Variants in GALNT18 observed in about 807,000 individuals in gnomAD.
GALNT18 encodes polypeptide N-acetylgalactosaminyltransferase 18.
Under a neutral mutation model 69.5 loss-of-function variants are expected in GALNT18, and 44 were observed. The observed-to-expected ratio is 0.63, with a 90% CI of 0.50 to 0.81. GALNT18 has a LOEUF of 0.81. Among genes scored for constraint, GALNT18 ranks in the 40% least tolerant of loss-of-function variants. The pLI is 0.00. For synonymous variants in GALNT18, 364 were observed against 318.2 expected, an observed-to-expected ratio of 1.14 and a Z score of -1.53; for missense variants, 715 against 810.0, an observed-to-expected ratio of 0.88 and a Z score of 1.42.
At chr11:11,334,357 A>G (rs1564898900) in intron 7 of GALNT18, among the ~76,000 whole-genome samples, 1 of 152,104 alleles carries the variant, frequency 6.6e-6, no homozygotes, top group African/African-American at 2.4e-5. Context: ...CCTGCCGAAC[A>G]TGGTGAAACC....
intron 3 of GALNT18, among the ~76,000 whole-genome samples, chr11:11,418,751 G>T (rs1436489988): frequency 6.6e-6 from 1 of 152,228 alleles, no homozygotes; most frequent in Non-Finnish European, 1.5e-5. Flanking sequence ...CTCTGTGAAT[G>T]TCTGTTGAAT....
chr11:11,307,824 G>A (rs2133024975), intron 9 of GALNT18, among the ~76,000 whole-genome samples: 1 of 152,292 alleles, frequency 6.6e-6, no homozygotes, highest in South Asian at 2.1e-4. Context: ...TGGCACAGTG[G>A]AAACTCCATA....
Position 11,586,736 on chromosome 11 carries a change from C to T in GALNT18, c.235+34623G>A, listed in dbSNP as rs111829922. Among the ~76,000 whole-genome samples, 6 of 152,048 alleles carry T rather than the reference C, an allele frequency of 3.9e-5. No individual in the cohort carries two copies. The highest frequency in any genetic ancestry group is 7.4e-5 in the Non-Finnish European group (5 of 68,016). On this transcript the variant is annotated intron_variant, in intron 1 of 10. Transcript: ENST00000227756. This position sits in a 1 kb window ranked among gnomAD's most constrained non-coding sequence, Gnocchi z 4.1. Reference sequence around the variant, plus strand: ...TGCCTGTAATCACAGCCCTTTGGGACGCCGAGGCGGGCAGATCACCTGAGG... The same window carrying T: ...TGCCTGTAATCACAGCCCTTTGGGATGCCGAGGCGGGCAGATCACCTGAGG...
intron 3 of GALNT18, among the ~76,000 whole-genome samples, chr11:11,407,242 T>C (rs1589976166): frequency 6.6e-6 from 1 of 152,190 alleles, no homozygotes; most frequent in Non-Finnish European, 1.5e-5. Context: ...GTTTTAAAGG[T>C]TGGCGTGTCC....
rs926257493 is a variant in GALNT18, at chr11:11,598,178, A to C, written c.235+23181T>G. 2.6e-5 allele frequency among the ~76,000 whole-genome samples: 4 copies of C among 152,034 alleles called. No homozygotes were observed. Among genetic ancestry groups the C allele is most frequent in the Non-Finnish European group, 4.4e-5 (3 of 68,016 alleles). ...TTAAGGTTGCAGTAATCTATAACAAATTACTATAATCTATAATAAATTACT... is the reference window on the plus strand; with the variant it reads ...TTAAGGTTGCAGTAATCTATAACAACTTACTATAATCTATAATAAATTACT... On this transcript the variant is annotated intron_variant, in intron 1 of 10. Transcript: ENST00000227756. This position sits in a 1 kb window ranked among gnomAD's most constrained non-coding sequence, Gnocchi z 4.8.
At chr11:11,300,078 G>T (rs990624772) in intron 9 of GALNT18, among the ~76,000 whole-genome samples, 1 of 152,208 alleles carries the variant, frequency 6.6e-6, no homozygotes, top group Non-Finnish European at 1.5e-5. Flanking sequence ...GGAAAATAGG[G>T]TTAGTTACAT....
rs1565030794 is a variant in GALNT18 at position 11,591,185 on chromosome 11, T to TGTGTGTGTGTGTGTG, written c.235+30173_235+30174insCACACACACACACAC. On this transcript the variant is annotated intron_variant, in intron 1 of 10. Coordinates refer to ENST00000227756, the MANE Select transcript of GALNT18 (RefSeq NM_198516.3). The surrounding 1 kb of genome is among the most constrained non-coding windows in gnomAD (Gnocchi z 4.8). ...GTGTGTGTGTGTGTGTGTGTGTGTGTTAGTTTTTAAGCCTTTTTAAGGCCT... is the reference window on the plus strand; with the variant it reads ...GTGTGTGTGTGTGTGTGTGTGTGTGTGTGTGTGTGTGTGTGTAGTTTTTAAGCCTTTTTAAGGCCT... Among the ~76,000 whole-genome samples, 1 of 151,656 alleles carries TGTGTGTGTGTGTGTG rather than the reference T, an allele frequency of 6.6e-6. No homozygotes were observed. The highest frequency in any genetic ancestry group is 2.4e-5 in the African/African-American group (1 of 41,210).
At chr11:11,559,740 T>TGATGG (rs888426572) in intron 1 of GALNT18, among the ~76,000 whole-genome samples, 1 of 141,684 alleles carries the variant, frequency 7.1e-6, no homozygotes, top group South Asian at 2.3e-4. Context: ...GAATGGGGTA[T>TGATGG]GATGGGATGG....
chr11:11,582,366 TATGC>T lies in GALNT18; in HGVS notation c.235+38989_235+38992del, dbSNP rs1402877774. Among the ~76,000 whole-genome samples, 1 of 152,244 alleles carries T rather than the reference TATGC, an allele frequency of 6.6e-6. No individual in the cohort carries two copies. On this transcript the variant is annotated intron_variant, in intron 1 of 10. Transcript: ENST00000227756. The surrounding 1 kb of genome is among the most constrained non-coding windows in gnomAD (Gnocchi z 5.0). The stretch of plus-strand genomic sequence containing the variant: ...TCACTGCCCCTCCCTATAAGAGGGC[TATGC>T]ATGCCTGTCCGTTGCCCCGTGGCTT...
chr11:11,433,949 T>G (rs1287069808), intron 2 of GALNT18, among the ~76,000 whole-genome samples: 1 of 151,986 alleles, frequency 6.6e-6, no homozygotes, highest in Non-Finnish European at 1.5e-5. Context: ...GAGTGGGAGG[T>G]GCAGCCAGGT....
chr11:11,360,670 A>G (rs1850625812), intron 6 of GALNT18, among the ~76,000 whole-genome samples: 1 of 152,100 alleles, frequency 6.6e-6, no homozygotes, highest in Admixed American at 6.6e-5. Flanking sequence ...TCTTGGTGGT[A>G]ATGATTTCCA....
chr11:11,475,416 T>A (rs140827225), intron 1 of GALNT18: 133 of 152,320 alleles, frequency 8.7e-4, no homozygotes, highest in African/African-American at 3.1e-3. Context: ...AAATAATCAT[T>A]AATCTCATTA....
At chr11:11,301,595 C>T (rs559952008) in intron 9 of GALNT18, among the ~76,000 whole-genome samples, 2 of 152,350 alleles carry the variant, frequency 1.3e-5, no homozygotes, top group African/African-American at 4.8e-5. Flanking sequence ...GGGTTTCTAG[C>T]TCAGGGCTTC....
intron 1 of GALNT18, among the ~76,000 whole-genome samples, chr11:11,484,593 C>CAAAAAAAAAAAAAAAAAAAAAAA (rs1159968814): frequency 1.2e-5 from 1 of 83,066 alleles, no homozygotes; most frequent in African/African-American, 5.6e-5. Context: ...AACTCCATCT[C>CAAAAAAAAAAAAAAAAAAAAAAA]AAAAAAAAAA....
In GALNT18 at chr11:11,332,573, C is replaced by T; in HGVS notation, c.1416+121G>A. The T allele has an allele frequency of 8.6e-7, 1 of 1,158,200 alleles. No individual in the cohort carries two copies. The highest frequency in any genetic ancestry group is 1.5e-5 in the South Asian group (1 of 68,440). The allele number at this position is 1,158,200 out of a possible 1,614,324, so 71.7% of individuals were successfully genotyped here. A position where few individuals can be genotyped will look rare whatever the true frequency, so the allele number is the denominator to read the frequency against. On this transcript the variant is annotated intron_variant, in intron 8 of 10. Transcript: ENST00000227756. The surrounding 1 kb of genome is among the most constrained non-coding windows in gnomAD (Gnocchi z 4.3). The stretch of plus-strand genomic sequence containing the variant: ...CAGGTGCAGAACCCAGCGCCCGGTC[C>T]CCAGGCCTACTGCAGTTCTTCATGT...
chr11:11,399,496 A>G lies in GALNT18; in HGVS notation c.596-20232T>C, dbSNP rs187853202. On this transcript the variant is annotated intron_variant, in intron 3 of 10. Transcript: ENST00000227756. ...TTTTTATCAGAACAAGTCAATAAAT[A>G]CATCACATTTCTTTAACAGGCTAGG... is the stretch of plus-strand genomic sequence containing the variant. Among the ~76,000 whole-genome samples, 335 of 152,336 alleles carry G rather than the reference A, an allele frequency of 2.2e-3. 2 individuals are homozygous for G. Among genetic ancestry groups the G allele is most frequent in the South Asian group, 4.1e-3 (20 of 4,822 alleles).
At chr11:11,548,154 G>A (rs1858105410) in intron 1 of GALNT18, among the ~76,000 whole-genome samples, 1 of 152,146 alleles carries the variant, frequency 6.6e-6, no homozygotes, top group African/African-American at 2.4e-5. Flanking sequence ...TCATATCACT[G>A]TGTGACACTG....
rs548478956 is a variant in GALNT18 at position 11,606,896 on chromosome 11, C to T, written c.235+14463G>A. ...ATTGGGTCTTGGATCCTTCAGCAAA[C>T]AGTTTGAGGGTGAGGATGCTGATGT... is the stretch of plus-strand genomic sequence containing the variant. On this transcript the variant is annotated intron_variant, in intron 1 of 10. Transcript: ENST00000227756. This position sits in a 1 kb window ranked among gnomAD's most constrained non-coding sequence, Gnocchi z 5.4. Among the ~76,000 whole-genome samples, 1 of 152,298 alleles carries T rather than the reference C, an allele frequency of 6.6e-6. No individual in the cohort carries two copies. The highest frequency in any genetic ancestry group is 2.4e-5 in the African/African-American group (1 of 41,556).
In GALNT18 at chr11:11,372,656, G is replaced by A. The variant is rs201950312; in HGVS notation, c.978-27C>T. 1,420 of 1,567,754 alleles carry A rather than the reference G, an allele frequency of 9.1e-4. 2 individuals are homozygous for A. Among genetic ancestry groups the A allele is most frequent in the Non-Finnish European group, 1.1e-3 (1,293 of 1,139,298 alleles). On this transcript the variant is annotated intron_variant, in intron 5 of 10. Coordinates refer to ENST00000227756, the MANE Select transcript of GALNT18 (RefSeq NM_198516.3). This position sits in a 1 kb window ranked among gnomAD's most constrained non-coding sequence, Gnocchi z 4.9. ...TGCAGGGGCAGGGGAGAGCAGAAGGGCTGTCTGGTGCAGCTGTCCGAGGAG... is the reference window on the plus strand; with the variant it reads ...TGCAGGGGCAGGGGAGAGCAGAAGGACTGTCTGGTGCAGCTGTCCGAGGAG...
Sources: allele counts gnomAD v4.1 joint callset (sites outside exome capture counted in the v4.1 genomes callset), GRCh38; gene constraint gnomAD v4.1.1; non-coding constraint Gnocchi (gnomAD v3.1); transcripts MANE v1.5; gene names NCBI Gene and HGNC (gene_info 2026-07-23, HGNC 2026-07-21).